Variants in TRPM6 observed in about 807,000 individuals in gnomAD.
TRPM6 encodes the protein transient receptor potential cation channel subfamily M member 6, also known as channel kinase 2.
TRPM6 carries 111 observed loss-of-function variants against 247.6 expected under a neutral mutation model. That is an observed-to-expected ratio of 0.45 (90% CI 0.38 to 0.52). TRPM6 has a LOEUF of 0.52. Ranked by LOEUF, TRPM6 falls within the 20% of genes least tolerant of loss-of-function variation. The probability of loss-of-function intolerance (pLI) is 0.00; values close to 1 mark genes in which losing one functional copy is unlikely to be tolerated. For synonymous variants in TRPM6, 892 were observed against 853.8 expected (o/e 1.04, Z -0.78); for missense variants, 2,126 against 2,421.5 (o/e 0.88, Z 2.56).
chr9:74,780,121 G>A (rs1279756961), intron 23 of TRPM6, among the ~76,000 whole-genome samples: 1 of 151,314 alleles, frequency 6.6e-6, no homozygotes, highest in African/African-American at 2.4e-5. Flanking sequence ...GCAGTGAGCC[G>A]AGATAACACC....
intron 36 of TRPM6, among the ~76,000 whole-genome samples, chr9:74,733,207 A>C (rs1325590516): frequency 2.0e-5 from 3 of 149,942 alleles, no homozygotes; most frequent in African/African-American, 7.3e-5. Context: ...ATCTCAAAGA[A>C]AAAAAAAAAG....
intron 11 of TRPM6, among the ~76,000 whole-genome samples, chr9:74,815,024 G>A (rs570030712): frequency 2.6e-5 from 4 of 152,118 alleles, no homozygotes; most frequent in Non-Finnish European, 5.9e-5. Flanking sequence ...CCAAAGGAAA[G>A]ATAGGGAACA....
intron 19 of TRPM6, among the ~76,000 whole-genome samples, chr9:74,790,577 G>A (rs984020482): frequency 2.0e-5 from 3 of 152,118 alleles, no homozygotes; most frequent in African/African-American, 7.2e-5. Context: ...ATAACTGTAA[G>A]CTGTTTGAGG....
chr9:74,866,120 C>T (rs1055443307), intron 1 of TRPM6, among the ~76,000 whole-genome samples: 3 of 152,062 alleles, frequency 2.0e-5, no homozygotes, highest in Admixed American at 6.6e-5. Context: ...GGCAACATAT[C>T]GAGACCCCGT....
intron 25 of TRPM6, among the ~76,000 whole-genome samples, chr9:74,764,148 T>G (rs899589592): frequency 6.7e-6 from 1 of 149,662 alleles, no homozygotes; most frequent in African/African-American, 2.5e-5. Flanking sequence ...AAAGTAAAAA[T>G]TAATTTAATT....
At chr9:74,781,486 G>C (rs1313951709) in intron 23 of TRPM6, among the ~76,000 whole-genome samples, 7 of 140,980 alleles carry the variant, frequency 5.0e-5, no homozygotes, top group Non-Finnish European at 1.1e-4. Context: ...CAGTGAGCTG[G>C]GGTCACACCA....
At chr9:74,819,296 G>A (rs970825157) in intron 9 of TRPM6, among the ~76,000 whole-genome samples, 3 of 150,386 alleles carry the variant, frequency 2.0e-5, no homozygotes, top group Non-Finnish European at 4.4e-5. Context: ...GTGACAGAGT[G>A]AGGCCCTGTC....
chr9:74,849,136 G>A (rs1006041459), intron 3 of TRPM6, among the ~76,000 whole-genome samples: 51 of 152,146 alleles, frequency 3.4e-4, no homozygotes, highest in African/African-American at 1.2e-3. Context: ...GATCACCTGA[G>A]GTCAGGAGTT....
At chr9:74,767,378 A>G (rs1826863030) in intron 25 of TRPM6, among the ~76,000 whole-genome samples, 1 of 152,204 alleles carries the variant, frequency 6.6e-6, no homozygotes, top group Admixed American at 6.5e-5. Context: ...CAAATAGGGA[A>G]AGTAAGATTT....
chr9:74,786,837 A>G (rs1267586998), intron 20 of TRPM6, among the ~76,000 whole-genome samples: 1 of 152,198 alleles, frequency 6.6e-6, no homozygotes. Flanking sequence ...AGAACACTGG[A>G]TGGAGCAAGG....
intron 3 of TRPM6, among the ~76,000 whole-genome samples, chr9:74,852,115 G>A (rs1341625150): frequency 6.6e-6 from 1 of 151,974 alleles, no homozygotes; most frequent in East Asian, 1.9e-4. Context: ...CAGCCTGGGA[G>A]AAAGAGCAAG....
Position 74,858,654 on chromosome 9 carries a change from A to G in TRPM6, c.113+15T>C. The G allele has an allele frequency of 6.3e-7, 1 of 1,580,630 alleles. No homozygotes were observed. The highest frequency in any genetic ancestry group is 8.7e-7 in the Non-Finnish European group (1 of 1,150,830). On this transcript the variant is annotated intron_variant, in intron 2 of 38. Coordinates refer to ENST00000360774, the MANE Select transcript of TRPM6 (RefSeq NM_017662.5). ...AGTGTTGCTTTTAAAAGAAGAAGGT[A>G]ATTGAAAATTTTACCTGTGAGGATT...
At chr9:74,875,340 C>A (rs558240542) in intron 1 of TRPM6, 21 of 434,360 alleles carry the variant, frequency 4.8e-5, no homozygotes, top group African/African-American at 4.1e-4. Context: ...GTCAGGAGTT[C>A]GAGACCAGCC....
At position 74,733,289 on chromosome 9, in the gene TRPM6, ATATTT is replaced by A. The variant is rs1825587894; in HGVS notation, c.5777-558_5777-554del. 2.0e-5 allele frequency among the ~76,000 whole-genome samples: 3 copies of A among 152,318 alleles called. 1 individual carries two copies. The highest frequency in any genetic ancestry group is 2.0e-4 in the Admixed American group (3 of 15,308). On this transcript the variant is annotated intron_variant, in intron 36 of 38. Transcript: ENST00000360774. ...ATAAAAACTAAATATAAAAAATTAA[ATATTT>A]TAATTCTCAAAAATTCATGTAAATT...
intron 5 of TRPM6, 135 bp downstream of exon 5, chr9:74,839,889 G>A: frequency 1.7e-6 from 1 of 584,714 alleles, no homozygotes; most frequent in Non-Finnish European, 3.0e-6. Flanking sequence ...AAGGAAGGAA[G>A]GAAGGAGGGA....
intron 1 of TRPM6, among the ~76,000 whole-genome samples, chr9:74,875,647 A>C (rs1831175188): frequency 6.6e-6 from 1 of 152,210 alleles, no homozygotes; most frequent in Non-Finnish European, 1.5e-5. Context: ...TGTCCTAAAA[A>C]TGATAGTTAA....
intron 1 of TRPM6, among the ~76,000 whole-genome samples, chr9:74,871,538 T>C (rs1479820511): frequency 6.6e-6 from 1 of 152,212 alleles, no homozygotes; most frequent in Non-Finnish European, 1.5e-5. Context: ...GCTAAGCACC[T>C]GGTCATGTAT....
intron 13 of TRPM6, 135 bp downstream of exon 13, chr9:74,810,679 CA>C: frequency 6.4e-6 from 5 of 782,094 alleles, no homozygotes; most frequent in Non-Finnish European, 1.1e-5. Context: ...TGAACTTGTT[CA>C]AATCAAGGTA....
At position 74,732,863 on chromosome 9, in the gene TRPM6, TCA is replaced by T. The variant is rs1239188230; in HGVS notation, c.5777-129_5777-128del. 40 of 784,908 alleles carry T rather than the reference TCA, an allele frequency of 5.1e-5. No individual in the cohort carries two copies. The Admixed American group carries it at 8.3e-4, about 16-fold the overall frequency. 48.6% of individuals were successfully genotyped at this position (784,908 alleles called of 1,614,324 possible). A position where few individuals can be genotyped will look rare whatever the true frequency, so the allele number is the denominator to read the frequency against. On this transcript the variant is annotated intron_variant, in intron 36 of 38. Transcript: ENST00000360774. ...CAGTCACTCTGTAGTAAATTAAACA[TCA>T]TGAGCCCATACTTCACCACTAAGCA... is the stretch of plus-strand genomic sequence containing the variant.
Sources: gnomAD v4.1 joint callset for allele counts (sites outside exome capture counted in the v4.1 genomes callset) on GRCh38, gnomAD v4.1.1 for gene constraint, MANE v1.5 for transcripts, NCBI Gene and HGNC (gene_info 2026-07-23, HGNC 2026-07-21) for gene names.